ADAMTS18: variants seen among roughly 807,000 people sequenced by gnomAD.
ADAMTS18 encodes the protein ADAM metallopeptidase with thrombospondin type 1 motif 18.
ADAMTS18 carries 157 observed loss-of-function variants against 165.9 expected under a neutral mutation model. The ratio of observed to expected loss-of-function variants is 0.95; its 90% CI spans 0.83 to 1.08. ADAMTS18 has a LOEUF of 1.08. Among genes scored for constraint, ADAMTS18 ranks in the 50% least tolerant of loss-of-function variants. ADAMTS18 has a pLI of 0.00. For missense variants in ADAMTS18, 2,040 were observed against 1,534.0 expected, an observed-to-expected ratio of 1.33 and a Z score of -5.51; for synonymous variants, 782 against 578.2, an observed-to-expected ratio of 1.35 and a Z score of -5.06.
intron 3 of ADAMTS18, among the ~76,000 whole-genome samples, chr16:77,416,547 T>C (rs891116993): frequency 6.6e-6 from 1 of 152,210 alleles, no homozygotes; most frequent in East Asian, 1.9e-4. Context: ...GCACAAGCTC[T>C]CTTGCCTGCC....
At chr16:77,386,296 C>T (rs1348180852) in intron 3 of ADAMTS18, among the ~76,000 whole-genome samples, 1 of 152,276 alleles carries the variant, frequency 6.6e-6, no homozygotes, top group Non-Finnish European at 1.5e-5. Flanking sequence ...AATACCTATA[C>T]CCAACTTGGA....
chr16:77,432,359 G>A (rs745574111), intron 2 of ADAMTS18: 3 of 152,254 alleles, frequency 2.0e-5, no homozygotes, highest in Non-Finnish European at 4.4e-5. Context: ...GCTCAGGCAT[G>A]TTGGTGGGGG....
At chr16:77,348,505 T>C (rs1283853064) in intron 10 of ADAMTS18, among the ~76,000 whole-genome samples, 2 of 152,186 alleles carry the variant, frequency 1.3e-5, no homozygotes, top group Non-Finnish European at 2.9e-5. Context: ...GACAGTACTG[T>C]GGCATGCCTG....
At chr16:77,352,789 G>C (rs1450793346) in intron 10 of ADAMTS18, among the ~76,000 whole-genome samples, 3 of 152,078 alleles carry the variant, frequency 2.0e-5, no homozygotes, top group African/African-American at 7.2e-5. Context: ...TTGGATATTG[G>C]GAATAAACCA....
At chr16:77,391,406 G>A (rs574589694) in intron 3 of ADAMTS18, among the ~76,000 whole-genome samples, 9 of 151,714 alleles carry the variant, frequency 5.9e-5, no homozygotes, top group East Asian at 1.9e-4. Context: ...CAGAAGAATC[G>A]CTTGAACCTG....
chr16:77,350,436 T>G (rs781647748), intron 10 of ADAMTS18, among the ~76,000 whole-genome samples: 6 of 152,114 alleles, frequency 3.9e-5, no homozygotes, highest in Non-Finnish European at 8.8e-5. Flanking sequence ...GAAACCGTAT[T>G]GTTTATCAAG....
At chr16:77,431,251 A>G (rs1161316522) in intron 3 of ADAMTS18, 44 bp downstream of exon 3, 2 of 1,609,976 alleles carry the variant, frequency 1.2e-6, no homozygotes, top group East Asian at 2.2e-5. Context: ...CAAGTTACAC[A>G]AAACACGAAA....
chr16:77,383,822 G>A lies in ADAMTS18; in HGVS notation c.496-16099C>T, dbSNP rs117577776. On this transcript the variant is annotated intron_variant, in intron 3 of 22. Transcript: ENST00000282849. ...TCCCAAAGCGCTGGGATTATAGACC[G>A]GAGCCACCGTGCCTGGCCCAAAAAG... Among the ~76,000 whole-genome samples, 232 of 152,170 alleles carry A rather than the reference G, an allele frequency of 1.5e-3. 6 individuals carry two copies. In the East Asian group the frequency reaches 0.035, roughly 23 times the overall value.
At chr16:77,401,966 T>A (rs1353832220) in intron 3 of ADAMTS18, among the ~76,000 whole-genome samples, 1 of 152,150 alleles carries the variant, frequency 6.6e-6, no homozygotes, top group African/African-American at 2.4e-5. Flanking sequence ...TTGGCTCCCT[T>A]GGGTTTCAGG....
chr16:77,302,587 A>G (rs1368070121), intron 16 of ADAMTS18, among the ~76,000 whole-genome samples: 3 of 152,192 alleles, frequency 2.0e-5, no homozygotes, highest in Admixed American at 2.0e-4. Flanking sequence ...ACTTTCTAGT[A>G]TCACCCCATT....
intron 3 of ADAMTS18, among the ~76,000 whole-genome samples, chr16:77,420,225 T>C (rs1337516474): frequency 2.6e-5 from 4 of 152,010 alleles, no homozygotes; most frequent in African/African-American, 7.2e-5. Context: ...TTCAAAATAA[T>C]ATGTCTTCAA....
rs1339337225 is a variant in ADAMTS18 at position 77,283,539 on chromosome 16, C to T, written c.*417G>A. The T allele has an allele frequency of 4.9e-6, 1 of 202,228 alleles. No individual in the cohort carries two copies. The highest frequency in any genetic ancestry group is 1.0e-5 in the Non-Finnish European group (1 of 98,518). The allele number at this position is 202,228 out of a possible 1,614,324, so 12.5% of individuals were successfully genotyped here. A position where few individuals can be genotyped will look rare whatever the true frequency, so the allele number is the denominator to read the frequency against. On this transcript the variant is annotated 3_prime_UTR_variant, in exon 23 of 23. Coordinates refer to ENST00000282849, the MANE Select transcript of ADAMTS18 (RefSeq NM_199355.4). ...CACGCAACAGTTAGGCAAGGTATTC[C>T]ATCCAGATTTGAAAGTTCTGAGTCT...
intron 22 of ADAMTS18, among the ~76,000 whole-genome samples, chr16:77,287,057 A>G (rs2055267529): frequency 6.6e-6 from 1 of 152,072 alleles, no homozygotes; most frequent in South Asian, 2.1e-4. Flanking sequence ...TGACAGGAGG[A>G]TGCAGCCATG....
intron 3 of ADAMTS18, among the ~76,000 whole-genome samples, chr16:77,424,831 C>G (rs2057650962): frequency 6.6e-6 from 1 of 152,210 alleles, no homozygotes; most frequent in Non-Finnish European, 1.5e-5. Flanking sequence ...ACATGATCCT[C>G]TCAAGTGACC....
At position 77,283,767 on chromosome 16, in the gene ADAMTS18, C is replaced by G. The variant is rs192579123; in HGVS notation, c.*189G>C. On this transcript the variant is annotated 3_prime_UTR_variant, in exon 23 of 23. Transcript: ENST00000282849. ...TCCCATTTTCAAGTGCTTCAGAGTA[C>G]CACGTGCTTCAGGGAATTGAGCTAG... The G allele has an allele frequency of 2.4e-3, 1,426 of 590,978 alleles. 8 individuals carry two copies. Among genetic ancestry groups the G allele is most frequent in the Non-Finnish European group, 3.8e-3 (1,249 of 330,718 alleles). The allele number at this position is 590,978 out of a possible 1,614,324, so 36.6% of individuals were successfully genotyped here.
chr16:77,313,596 C>A (rs986670425), intron 16 of ADAMTS18, among the ~76,000 whole-genome samples: 6 of 151,942 alleles, frequency 3.9e-5, no homozygotes, highest in African/African-American at 1.4e-4. Flanking sequence ...GGTTGCTTGT[C>A]ATGAAGCGGT....
chr16:77,322,213 C>T (rs2056013138), intron 14 of ADAMTS18, 123 bp downstream of exon 14: 4 of 919,842 alleles, frequency 4.3e-6, no homozygotes, highest in East Asian at 3.3e-5. Flanking sequence ...ACACTTTGCT[C>T]TTTCGCTCCA....
At chr16:77,314,843 G>A (rs1161756117) in intron 16 of ADAMTS18, among the ~76,000 whole-genome samples, 42 of 128,862 alleles carry the variant, frequency 3.3e-4, no homozygotes, top group African/African-American at 1.2e-3. Flanking sequence ...TAACATTATG[G>A]GCTAAGTATT....
At chr16:77,328,319 G>A (rs1218239251) in intron 12 of ADAMTS18, among the ~76,000 whole-genome samples, 5 of 152,080 alleles carry the variant, frequency 3.3e-5, no homozygotes, top group Non-Finnish European at 5.9e-5. Flanking sequence ...ACTCAACTAT[G>A]GATCATCTTG....
Sources: allele counts gnomAD v4.1 joint callset (sites outside exome capture counted in the v4.1 genomes callset), GRCh38; gene constraint gnomAD v4.1.1; transcripts MANE v1.5; gene names NCBI Gene and HGNC (gene_info 2026-07-23, HGNC 2026-07-21).